Variants in CCDC57 observed in about 807,000 individuals in gnomAD.
CCDC57 encodes the protein coiled-coil domain containing 57, also known as coiled-coil domain-containing protein 57.
In CCDC57, 118 loss-of-function variants were observed where a neutral mutation model predicts 118.9. The observed-to-expected ratio is 0.99, with a 90% CI of 0.86 to 1.16. The LOEUF (loss-of-function observed/expected upper bound fraction) is 1.16, where lower values mean the gene tolerates loss of function less well. Ranked by LOEUF, CCDC57 falls within the 50% of genes most tolerant of loss-of-function variation. The pLI, the probability that CCDC57 is intolerant of heterozygous loss-of-function variation, is 0.00. For missense variants in CCDC57, 1,300 were observed against 1,320.7 expected (o/e 0.98, Z 0.24); for synonymous variants, 527 against 532.9 (o/e 0.99, Z 0.15).
At chr17:82,186,427 C>T (rs2046928407) in intron 8 of CCDC57, among the ~76,000 whole-genome samples, 1 of 152,106 alleles carries the variant, frequency 6.6e-6, no homozygotes, top group Non-Finnish European at 1.5e-5. Context: ...ACCTGCGGCC[C>T]CTCTCACCCC....
At chr17:82,122,883 CTT>C (rs1168507604) in intron 19 of CCDC57, among the ~76,000 whole-genome samples, 3 of 152,198 alleles carry the variant, frequency 2.0e-5, no homozygotes, top group Non-Finnish European at 4.4e-5. Context: ...AATACGGCCT[CTT>C]TTCACTGCTG....
Position 82,172,154 on chromosome 17 carries a change from C to CT in CCDC57, c.1730-302dup, listed in dbSNP as rs1299245552. On this transcript the variant is annotated intron_variant, in intron 12 of 19. Coordinates refer to ENST00000665763, the Ensembl canonical transcript of CCDC57. The surrounding 1 kb of genome is among the most constrained non-coding windows in gnomAD (Gnocchi z 5.2). ...CCACCTGCCGCCAGCCCACGTGCCT[C>CT]TGTGCAGAGGGGCCAAGTCCCATCT... is the stretch of plus-strand genomic sequence containing the variant. Among the ~76,000 whole-genome samples, 4 of 152,380 alleles carry CT rather than the reference C, an allele frequency of 2.6e-5. No homozygotes were observed. Among genetic ancestry groups the CT allele is most frequent in the African/African-American group, 9.6e-5 (4 of 41,592 alleles).
intron 9 of CCDC57, 66 bp from the exon 9 acceptor site, chr17:82,179,255 G>A: frequency 2.6e-6 from 4 of 1,541,122 alleles, no homozygotes; most frequent in South Asian, 1.2e-5. Flanking sequence ...AAAAGCAGAG[G>A]CACGATGGGA....
intron 13 of CCDC57, among the ~76,000 whole-genome samples, chr17:82,165,443 A>G (rs1376129250): frequency 2.0e-5 from 3 of 151,982 alleles, no homozygotes; most frequent in African/African-American, 7.2e-5. Flanking sequence ...TCCTTCCTGC[A>G]CACACTGGCC....
intron 11 of CCDC57, 146 bp downstream of exon 10, chr17:82,178,328 A>T: frequency 1.1e-6 from 1 of 943,464 alleles, no homozygotes; most frequent in Non-Finnish European, 1.5e-6. Context: ...AAAGCTTCTG[A>T]CTCACCCTTG....
rs531055362 is a variant in CCDC57, at chr17:82,172,342, C to T, written c.1729+296G>A. Among the ~76,000 whole-genome samples the T allele has an allele frequency of 2.0e-5, 3 of 152,320 alleles. No homozygotes were observed. Among genetic ancestry groups the T allele is most frequent in the Admixed American group, 6.5e-5 (1 of 15,298 alleles). On this transcript the variant is annotated intron_variant, in intron 12 of 19. Transcript: ENST00000665763. The surrounding 1 kb of genome is among the most constrained non-coding windows in gnomAD (Gnocchi z 5.2). ...GCTACCAACCCATTCTGGGACAGCG[C>T]GACAGCAAGCCAGCCCTGGTCCAGG...
Position 82,172,045 on chromosome 17 carries a change from C to T in CCDC57, c.1730-192G>A, listed in dbSNP as rs561227718. Among the ~76,000 whole-genome samples, 76 of 152,332 alleles carry T rather than the reference C, an allele frequency of 5.0e-4. No homozygotes were observed. The highest frequency in any genetic ancestry group is 1.5e-3 in the Admixed American group (23 of 15,306). On this transcript the variant is annotated intron_variant, in intron 12 of 19. Coordinates refer to ENST00000665763, the Ensembl canonical transcript of CCDC57. The surrounding 1 kb of genome is among the most constrained non-coding windows in gnomAD (Gnocchi z 5.2). ...TGTCAGACTGAAAGACCTTCCCTCC[C>T]CTCACTGGCCAGAGTGTGCCAGCCA... is the stretch of plus-strand genomic sequence containing the variant.
intron 16 of CCDC57, among the ~76,000 whole-genome samples, chr17:82,138,474 G>C (rs1222626142): frequency 6.6e-6 from 1 of 152,018 alleles, no homozygotes; most frequent in African/African-American, 2.4e-5. Context: ...TTGAGCCAAG[G>C]AGGTCAAGGC....
rs559534445 is a variant in CCDC57, at chr17:82,165,397, C to T, written c.1883-2040G>A. Among the ~76,000 whole-genome samples, 7 of 152,034 alleles carry T rather than the reference C, an allele frequency of 4.6e-5. No homozygotes were observed. The East Asian group carries it at 7.7e-4, about 17-fold the overall frequency. On this transcript the variant is annotated intron_variant, in intron 13 of 19. Transcript: ENST00000665763. ...ATGAAGGCTGAGTGTCTAGGGGCCT[C>T]GGATCCCAGGGGTGGCTGGCAAGGA...
intron 19 of CCDC57, among the ~76,000 whole-genome samples, chr17:82,115,267 G>GAAGAGGGGGC (rs368657859): frequency 0.019 from 2,415 of 127,702 alleles, 47 homozygotes; most frequent in African/African-American, 0.029. Flanking sequence ...GGCTGTCCGG[G>GAAGAGGGGGC]AAGAGGGGGC....
intron 13 of CCDC57, among the ~76,000 whole-genome samples, chr17:82,171,391 T>C (rs914291535): frequency 2.8e-5 from 4 of 144,136 alleles, no homozygotes; most frequent in Non-Finnish European, 6.0e-5. Flanking sequence ...GCACGTGGGC[T>C]CTGGAGGGAG....
chr17:82,157,822 C>A, exon 15 of CCDC57: 1 of 1,604,750 alleles, frequency 6.2e-7, no homozygotes. Flanking sequence ...CCGTGCTGGG[C>A]TATCCTGAGA....
intron 16 of CCDC57, among the ~76,000 whole-genome samples, chr17:82,150,684 T>A: frequency 2.8e-5 from 1 of 36,348 alleles, no homozygotes; most frequent in Non-Finnish European, 4.8e-5. Context: ...GACCCGCACC[T>A]AGAACCAGGC....
intron 14 of CCDC57, 31 bp downstream of exon 13, chr17:82,163,166 TAGG>T (rs2043560664): frequency 6.2e-7 from 1 of 1,608,048 alleles, no homozygotes; most frequent in Non-Finnish European, 8.5e-7. Context: ...AGCGGCTCTC[TAGG>T]AGGATGACCC....
At chr17:82,158,604 C>T (rs1386990130) in intron 14 of CCDC57, among the ~76,000 whole-genome samples, 2 of 148,776 alleles carry the variant, frequency 1.3e-5, no homozygotes, top group Non-Finnish European at 3.0e-5. Flanking sequence ...AGGAGAATGG[C>T]ATGAACCCGG....
At chr17:82,170,297 C>T (rs940764380) in intron 13 of CCDC57, among the ~76,000 whole-genome samples, 6 of 152,104 alleles carry the variant, frequency 3.9e-5, no homozygotes, top group African/African-American at 1.4e-4. Flanking sequence ...ATCACGAGGT[C>T]AGGAGTTCGG....
chr17:82,194,077 A>ACTCTCTGCAGC lies in CCDC57; in HGVS notation c.670_680dup (p.Ser227ArgfsTer33). ...CGTTGGTGGCCTCTGCCCTCTGCAG[A>ACTCTCTGCAGC]CTCTCTGCAGCCTTTGCCCCGGCTT... On this transcript the variant is annotated frameshift_variant, in exon 6 of 20. Coordinates refer to ENST00000665763, the Ensembl canonical transcript of CCDC57. LOFTEE classifies it high-confidence loss of function. 1 of 1,613,686 alleles carries ACTCTCTGCAGC rather than the reference A, an allele frequency of 6.2e-7. No homozygotes were observed. Among genetic ancestry groups the ACTCTCTGCAGC allele is most frequent in the Non-Finnish European group, 8.5e-7 (1 of 1,179,786 alleles).
chr17:82,206,429 T>C lies in CCDC57; in HGVS notation c.-9+1418A>G, dbSNP rs115473328. On this transcript the variant is annotated intron_variant, in intron 2 of 19. Transcript: ENST00000665763. ...GTCTCCACTCTCACCTGACTTTCCA[T>C]TGTAGGTCATAAGATCCTCCCCAGA... 9.1e-3 allele frequency among the ~76,000 whole-genome samples: 1,379 copies of C among 152,228 alleles called. 17 individuals are homozygous for C. The highest frequency in any genetic ancestry group is 0.032 in the African/African-American group (1,324 of 41,532).
At chr17:82,134,356 G>A (rs1236509641) in intron 16 of CCDC57, 162 bp from the exon 16 acceptor site, 8 of 550,408 alleles carry the variant, frequency 1.5e-5, no homozygotes, top group Non-Finnish European at 2.2e-5. Context: ...AGTGAACTGT[G>A]ACACACAGCA....
Sources: allele counts gnomAD v4.1 joint callset (sites outside exome capture counted in the v4.1 genomes callset), GRCh38; gene constraint gnomAD v4.1.1; non-coding constraint Gnocchi (gnomAD v3.1); transcripts MANE v1.5; gene names NCBI Gene and HGNC (gene_info 2026-07-23, HGNC 2026-07-21).